Variants in CLSTN2 observed in about 807,000 individuals in gnomAD.
The protein encoded by CLSTN2 is calsyntenin 2.
In CLSTN2, 48 loss-of-function variants were observed where a neutral mutation model predicts 101.2. That is an observed-to-expected ratio of 0.47 (90% CI 0.38 to 0.60). The LOEUF (loss-of-function observed/expected upper bound fraction) is 0.60. CLSTN2 is among the 20% of genes least tolerant of loss of function. The pLI is 0.00. For synonymous variants in CLSTN2, 481 were observed against 463.6 expected (o/e 1.04, Z -0.48); for missense variants, 1,160 against 1,238.2 (o/e 0.94, Z 0.95).
intron 1 of CLSTN2, among the ~76,000 whole-genome samples, chr3:139,979,698 G>A (rs78755684): frequency 0.063 from 9,536 of 152,060 alleles, 343 homozygotes; most frequent in Middle Eastern, 0.085. Context: ...CTGTGTGCAT[G>A]GGGAATAGTA....
intron 2 of CLSTN2, among the ~76,000 whole-genome samples, chr3:140,224,523 T>G (rs1287041644): frequency 6.6e-6 from 1 of 152,166 alleles, no homozygotes; most frequent in East Asian, 1.9e-4. Flanking sequence ...GCGTGCAGGC[T>G]TTATAGACAT....
At chr3:140,348,398 A>G (rs2087570731) in intron 2 of CLSTN2, among the ~76,000 whole-genome samples, 1 of 152,142 alleles carries the variant, frequency 6.6e-6, no homozygotes, top group Admixed American at 6.5e-5. Context: ...TTTAGAGTCA[A>G]TCAGCAAAGA....
intron 8 of CLSTN2, among the ~76,000 whole-genome samples, chr3:140,492,248 C>T (rs950601838): frequency 4.6e-5 from 7 of 152,172 alleles, no homozygotes; most frequent in African/African-American, 1.7e-4. Context: ...ATTGGTACAG[C>T]CTCTTTAGAA....
chr3:140,243,833 A>G (rs914917891), intron 2 of CLSTN2, among the ~76,000 whole-genome samples: 1 of 152,192 alleles, frequency 6.6e-6, no homozygotes, highest in African/African-American at 2.4e-5. Flanking sequence ...TCTAAGAAGC[A>G]CATGCTTAGA....
At chr3:140,246,304 C>T (rs1476376120) in intron 2 of CLSTN2, among the ~76,000 whole-genome samples, 2 of 152,166 alleles carry the variant, frequency 1.3e-5, no homozygotes, top group Non-Finnish European at 2.9e-5. Flanking sequence ...TCTCCTGCCC[C>T]TTCAATCAGA....
chr3:140,403,762 C>T lies in CLSTN2; in HGVS notation c.366C>T (p.Phe122=). Residue 122 remains phenylalanine (F), a synonymous_variant, in exon 3 of 17, where the codon TTC becomes TTT. Coordinates refer to ENST00000458420, the MANE Select transcript of CLSTN2 (RefSeq NM_022131.3). The part of the protein sequence containing the change: ...IDCELQKEYT[F]IIQAYDCGAG... ...GTGAGTTGCAGAAGGAGTACACATT[C>T]ATCATCCAGGCCTATGACTGTGGTG... 6.2e-7 allele frequency: 1 copy of T among 1,614,168 alleles called. No individual in the cohort carries two copies. The highest frequency in any genetic ancestry group is 8.5e-7 in the Non-Finnish European group (1 of 1,180,030).
At chr3:140,385,344 G>T (rs1312923430) in intron 2 of CLSTN2, among the ~76,000 whole-genome samples, 1 of 148,712 alleles carries the variant, frequency 6.7e-6, no homozygotes, top group East Asian at 2.0e-4. Context: ...TTGCCAGTTG[G>T]GTCCCTGATG....
intron 3 of CLSTN2, among the ~76,000 whole-genome samples, chr3:140,404,314 G>T (rs181469018): frequency 1.3e-5 from 2 of 152,346 alleles, no homozygotes; most frequent in East Asian, 3.9e-4. Context: ...GTTGCCTAAA[G>T]CTGGTGCAGA....
intron 1 of CLSTN2, among the ~76,000 whole-genome samples, chr3:140,051,810 C>G (rs1433157508): frequency 6.6e-6 from 1 of 152,144 alleles, no homozygotes; most frequent in Non-Finnish European, 1.5e-5. Flanking sequence ...CAATATGCAG[C>G]CACAAAGCAC....
At chr3:140,456,040 G>A (rs756263855) in intron 6 of CLSTN2, among the ~76,000 whole-genome samples, 8 of 152,290 alleles carry the variant, frequency 5.3e-5, no homozygotes, top group South Asian at 2.1e-4. Context: ...GGAGTCCCAT[G>A]TGACTAGGCT....
chr3:140,245,873 A>G (rs1361603335), intron 2 of CLSTN2, among the ~76,000 whole-genome samples: 1 of 152,196 alleles, frequency 6.6e-6, no homozygotes, highest in African/African-American at 2.4e-5. Context: ...CTGAGGAAGA[A>G]TGCCTTAGAG....
At chr3:140,408,825 T>G (rs886975108) in intron 4 of CLSTN2, among the ~76,000 whole-genome samples, 5 of 152,314 alleles carry the variant, frequency 3.3e-5, no homozygotes, top group African/African-American at 1.2e-4. Context: ...GGTTAACCCC[T>G]TTGCTGTGTG....
intron 2 of CLSTN2, among the ~76,000 whole-genome samples, chr3:140,333,405 C>T (rs1447056897): frequency 2.0e-5 from 3 of 152,128 alleles, no homozygotes; most frequent in African/African-American, 7.2e-5. Context: ...CTCTGAGAAC[C>T]CCAAATCTAA....
At chr3:140,185,542 C>A (rs1239407282) in intron 2 of CLSTN2, among the ~76,000 whole-genome samples, 1 of 152,176 alleles carries the variant, frequency 6.6e-6, no homozygotes, top group East Asian at 1.9e-4. Flanking sequence ...TGACCCAGCC[C>A]ACCTGACCAA....
At chr3:139,994,438 C>G (rs1243799240) in intron 1 of CLSTN2, among the ~76,000 whole-genome samples, 1 of 152,182 alleles carries the variant, frequency 6.6e-6, no homozygotes, top group Non-Finnish European at 1.5e-5. Flanking sequence ...TGATGCCTTA[C>G]TTTAGACTTC....
chr3:140,562,022 C>T, intron 12 of CLSTN2, 116 bp from the exon 13 acceptor site: 1 of 838,716 alleles, frequency 1.2e-6, no homozygotes, highest in South Asian at 1.7e-5. Context: ...CACACAGACT[C>T]TGCTCCTGAC....
chr3:140,537,683 G>A (rs79173961), intron 9 of CLSTN2, among the ~76,000 whole-genome samples: 5 of 152,144 alleles, frequency 3.3e-5, no homozygotes, highest in South Asian at 4.1e-4. Flanking sequence ...TTCTCTCTGG[G>A]TCACAACGTA....
At chr3:140,228,145 C>T (rs997889590) in intron 2 of CLSTN2, among the ~76,000 whole-genome samples, 8 of 152,300 alleles carry the variant, frequency 5.3e-5, no homozygotes, top group Admixed American at 1.3e-4. Flanking sequence ...ATTTTCTGAA[C>T]TTTTAGGCTT....
At chr3:140,127,934 C>T (rs931101300) in intron 1 of CLSTN2, among the ~76,000 whole-genome samples, 4 of 152,092 alleles carry the variant, frequency 2.6e-5, no homozygotes, top group Non-Finnish European at 4.4e-5. Flanking sequence ...TAAGTGCCAT[C>T]CTTATTTAAA....
Sources: allele counts gnomAD v4.1 joint callset (sites outside exome capture counted in the v4.1 genomes callset), GRCh38; gene constraint gnomAD v4.1.1; transcripts MANE v1.5; gene names NCBI Gene and HGNC (gene_info 2026-07-23, HGNC 2026-07-21).